The following ZNF285 variants were observed in gnomAD, a reference collection of about 807,000 sequenced individuals.
ZNF285 encodes zinc finger protein 285A.
In ZNF285, 4 loss-of-function variants were observed where a neutral mutation model predicts 6.2. The ratio of observed to expected loss-of-function variants is 0.65; its 90% CI spans 0.32 to 1.49. The LOEUF (loss-of-function observed/expected upper bound fraction) is 1.49. ZNF285 is among the 40% of genes most tolerant of loss of function. ZNF285 has a pLI of 0.07. For missense variants in ZNF285, 695 were observed against 708.8 expected, an observed-to-expected ratio of 0.98 and a Z score of 0.22; for synonymous variants, 240 against 245.8, an observed-to-expected ratio of 0.98 and a Z score of 0.22.
intron 1 of ZNF285, among the ~76,000 whole-genome samples, chr19:44,400,054 C>G (rs1039772212): frequency 2.0e-5 from 3 of 150,602 alleles, no homozygotes; most frequent in Non-Finnish European, 4.4e-5. Flanking sequence ...TTGAGACTTC[C>G]CATTGGCCAA....
intron 1 of ZNF285, among the ~76,000 whole-genome samples, chr19:44,398,162 A>G (rs2571142): frequency 0.24 from 36,767 of 152,008 alleles, 6,618 homozygotes; most frequent in East Asian, 0.55. Context: ...AATATTGATG[A>G]CACACCTATG....
At chr19:44,390,949 A>T (rs957490193) in intron 3 of ZNF285, among the ~76,000 whole-genome samples, 4 of 151,914 alleles carry the variant, frequency 2.6e-5, no homozygotes, top group Non-Finnish European at 4.4e-5. Context: ...AGGTCAAGAG[A>T]TTGAGGCCAT....
intron 3 of ZNF285, among the ~76,000 whole-genome samples, chr19:44,390,388 A>G (rs1971173126): frequency 6.6e-6 from 1 of 152,128 alleles, no homozygotes; most frequent in African/African-American, 2.4e-5. Flanking sequence ...TTAAGATTTG[A>G]CTGCCCTGTT....
intron 3 of ZNF285, among the ~76,000 whole-genome samples, chr19:44,390,588 T>C (rs1433582204): frequency 6.6e-6 from 1 of 152,112 alleles, no homozygotes; most frequent in African/African-American, 2.4e-5. Context: ...CTGTGGACTT[T>C]TGAGTTAATG....
chr19:44,400,934 C>T lies in ZNF285; in HGVS notation c.-44+634G>A, dbSNP rs144831227. On this transcript the variant is annotated intron_variant, in intron 1 of 3. Transcript: ENST00000614994. Reference sequence around the variant, plus strand: ...GTGACATTAAACTCTGGAGTTATTACAGTATTACAGTCTGAGTTGTTTCTT... The same window carrying T: ...GTGACATTAAACTCTGGAGTTATTATAGTATTACAGTCTGAGTTGTTTCTT... Among the ~76,000 whole-genome samples, 1,088 of 152,162 alleles carry T rather than the reference C, an allele frequency of 7.2e-3. 16 individuals carry two copies. Among genetic ancestry groups the T allele is most frequent in the Middle Eastern group, 0.027 (8 of 294 alleles).
In ZNF285 at chr19:44,387,939, TAAATGTGGGGAACACTCTTCTTG is replaced by T. The variant is rs772304613; in HGVS notation, c.283_305del (p.Gln95ArgfsTer7). On this transcript the variant is annotated frameshift_variant, in exon 4 of 4. Transcript: ENST00000614994. LOFTEE classifies it low-confidence loss of function (END_TRUNC). ...ACTCTTCACTGAGGGAAACATCTTCTAAATGTGGGGAACACTCTTCTTGAAGGTTCACGATATAATCCTGACTC... is the reference window on the plus strand; with the variant it reads ...ACTCTTCACTGAGGGAAACATCTTCTAAGGTTCACGATATAATCCTGACTC... 2 of 1,614,146 alleles carry T rather than the reference TAAATGTGGGGAACACTCTTCTTG, an allele frequency of 1.2e-6. No homozygotes were observed. The highest frequency in any genetic ancestry group is 1.7e-6 in the Non-Finnish European group (2 of 1,179,994).
rs183759751 is a variant in ZNF285 at position 44,399,767 on chromosome 19, C to T, written c.-44+1801G>A. 1.3e-4 allele frequency among the ~76,000 whole-genome samples: 20 copies of T among 151,966 alleles called. No homozygotes were observed. The South Asian group carries it at 1.9e-3, about 14-fold the overall frequency. Reference sequence around the variant, plus strand: ...ATTTGAGGAGAGTTTAATAAACAGACGGCTTACAATGGTGTTGGCTCGGGG... The same window carrying T: ...ATTTGAGGAGAGTTTAATAAACAGATGGCTTACAATGGTGTTGGCTCGGGG... On this transcript the variant is annotated intron_variant, in intron 1 of 3. Coordinates refer to ENST00000614994, the MANE Select transcript of ZNF285 (RefSeq NM_152354.6).
In ZNF285 at chr19:44,386,663, T is replaced by G. The variant is rs148896964; in HGVS notation, c.1582A>C (p.Asn528His). The change falls in exon 4 of 4, where the codon AAT becomes CAT. Residue 528 changes from asparagine (N) to histidine (H), a missense_variant. By Grantham distance (68) the Asn-to-His change is moderately conservative. Coordinates refer to ENST00000614994, the MANE Select transcript of ZNF285 (RefSeq NM_152354.6). Reference protein sequence around the residue: ...GKGFSRNSDLNVHLRVHTGER... With the variant: ...GKGFSRNSDLHVHLRVHTGER... The stretch of plus-strand genomic sequence containing the variant: ...CCTGTGTGGACTCTGAGGTGAACAT[T>G]AAGATCTGAATTCCGGCTGAAGCCT... 1,234 of 1,613,860 alleles carry G rather than the reference T, an allele frequency of 7.6e-4. 5 individuals carry two copies. The highest frequency in any genetic ancestry group is 3.7e-3 in the East Asian group (166 of 44,864).
intron 1 of ZNF285, among the ~76,000 whole-genome samples, chr19:44,399,279 A>G (rs923654279): frequency 2.3e-4 from 33 of 145,858 alleles, no homozygotes; most frequent in Non-Finnish European, 4.0e-4. Context: ...ACAAAGGCCA[A>G]AATAAGGAGG....
intron 1 of ZNF285, among the ~76,000 whole-genome samples, chr19:44,399,389 TAAA>T (rs1281584523): frequency 1.7e-5 from 2 of 119,844 alleles, no homozygotes; most frequent in Admixed American, 8.2e-5. Flanking sequence ...CTACAAATCC[TAAA>T]AAAAAAAAAA....
rs113715157 is a variant in ZNF285, at chr19:44,397,036, A to G, written c.15+163T>C. On this transcript the variant is annotated intron_variant, in intron 2 of 3. Coordinates refer to ENST00000614994, the MANE Select transcript of ZNF285 (RefSeq NM_152354.6). ...TCTGTGAGTTTGTTTCTTCACTTCT[A>G]TAAAGGGAGTCAAACCACCTGCCTC... The G allele has an allele frequency of 9.5e-5, 92 of 969,408 alleles. 1 individual carries two copies. The African/African-American group carries it at 1.2e-3, about 12-fold the overall frequency. 60.1% of individuals were successfully genotyped at this position (969,408 alleles called of 1,614,324 possible).
At chr19:44,391,692 A>C (rs1409954500) in intron 3 of ZNF285, among the ~76,000 whole-genome samples, 3 of 152,098 alleles carry the variant, frequency 2.0e-5, no homozygotes, top group Non-Finnish European at 4.4e-5. Flanking sequence ...AACATATGGG[A>C]ATTATAGGAG....
intron 2 of ZNF285, among the ~76,000 whole-genome samples, chr19:44,395,871 A>C (rs2571131): frequency 0.33 from 49,705 of 151,900 alleles, 11,515 homozygotes; most frequent in East Asian, 0.75. Context: ...TGAGGACACA[A>C]CCAAGCTAAC....
intron 3 of ZNF285, 36 bp from the exon 4 acceptor site, chr19:44,388,138 G>C: frequency 6.3e-7 from 1 of 1,579,898 alleles, no homozygotes; most frequent in South Asian, 1.2e-5. Context: ...AAGAGAACAA[G>C]TCAATCATCC....
chr19:44,387,806 G>C lies in ZNF285; in HGVS notation c.439C>G (p.Pro147Ala). ...ATGTTGGCTTTCCTCCACGATTCTG[G>C]GGTAAGAACCTGTGTCAGGCTTTGC... Reference protein sequence around the residue: ...AWQSLTQVLTPESWRKANIMT... With the variant: ...AWQSLTQVLTAESWRKANIMT... The change falls in exon 4 of 4, where the codon CCA (proline) becomes GCA (alanine). Residue 147 changes from proline to alanine, a missense_variant. By Grantham distance (27) the Pro-to-Ala change is conservative. Transcript: ENST00000614994. 1 of 1,613,850 alleles carries C rather than the reference G, an allele frequency of 6.2e-7. No individual in the cohort carries two copies. Among genetic ancestry groups the C allele is most frequent in the South Asian group, 1.1e-5 (1 of 91,070 alleles).
At chr19:44,390,634 G>A (rs111800226) in intron 3 of ZNF285, among the ~76,000 whole-genome samples, 4,577 of 152,142 alleles carry the variant, frequency 0.03, 259 homozygotes, top group African/African-American at 0.1. Flanking sequence ...ACTGTTGGGA[G>A]GCATCATTGG....
intron 3 of ZNF285, among the ~76,000 whole-genome samples, chr19:44,391,858 G>C (rs1473984892): frequency 6.6e-6 from 1 of 152,100 alleles, no homozygotes; most frequent in Non-Finnish European, 1.5e-5. Context: ...CCAACACTTA[G>C]ATTACACTTA....
In ZNF285 at chr19:44,382,819, G is replaced by C. The variant is rs532816251; in HGVS notation, c.*3653C>G. 1.3e-5 allele frequency: 2 copies of C among 152,310 alleles called. No individual in the cohort carries two copies. The highest frequency in any genetic ancestry group is 3.9e-4 in the East Asian group (2 of 5,184). The allele number at this position is 152,310 out of a possible 1,614,324, so 9.4% of individuals were successfully genotyped here. On this transcript the variant is annotated 3_prime_UTR_variant, in exon 4 of 4. Transcript: ENST00000614994. The stretch of plus-strand genomic sequence containing the variant: ...TAAAGCAGACAATCTGGCTTTAGTT[G>C]TCAGAGCTTCACAGAAGTTGCATGA...
intron 3 of ZNF285, among the ~76,000 whole-genome samples, chr19:44,391,211 G>A (rs139135897): frequency 0.012 from 1,857 of 151,732 alleles, 42 homozygotes; most frequent in African/African-American, 0.036. Flanking sequence ...GCCACCATGT[G>A]AGACATGGCT....
Sources: gnomAD v4.1 joint callset for allele counts (sites outside exome capture counted in the v4.1 genomes callset) on GRCh38, gnomAD v4.1.1 for gene constraint, MANE v1.5 for transcripts, NCBI Gene and HGNC (gene_info 2026-07-23, HGNC 2026-07-21) for gene names.